Variants in ATP2A1 observed in about 807,000 individuals in gnomAD.
ATP2A1 encodes sarcoplasmic/endoplasmic reticulum calcium ATPase 1.
In ATP2A1, 83 loss-of-function variants were observed where a neutral mutation model predicts 109.5. The observed-to-expected ratio is 0.76, with a 90% CI of 0.63 to 0.91. The LOEUF is 0.91. ATP2A1 is among the 40% of genes least tolerant of loss of function. The pLI, the probability that ATP2A1 is intolerant of heterozygous loss-of-function variation, is 0.00. For missense variants in ATP2A1, 1,101 were observed against 1,341.0 expected (o/e 0.82, Z 2.80); for synonymous variants, 505 against 537.6 (o/e 0.94, Z 0.84).
chr16:28,886,687 T>C (rs1339969231), intron 6 of ATP2A1, among the ~76,000 whole-genome samples: 1 of 151,554 alleles, frequency 6.6e-6, no homozygotes, highest in African/African-American at 2.4e-5. Flanking sequence ...TGGGTCGAGG[T>C]CTTTTTAAGA....
chr16:28,904,126 G>A (rs1964177687), intron 22 of ATP2A1, 54 bp from the exon 23 acceptor site: 3 of 1,508,312 alleles, frequency 2.0e-6, no homozygotes, highest in Non-Finnish European at 1.8e-6. Flanking sequence ...GCACCTGGGA[G>A]GGACCTCGCT....
intron 4 of ATP2A1, chr16:28,881,655 T>A (rs1042091647): frequency 4.4e-5 from 7 of 159,304 alleles, no homozygotes; most frequent in African/African-American, 1.7e-4. Flanking sequence ...ACAAAAAAAT[T>A]AGCTGGGCAT....
intron 4 of ATP2A1, among the ~76,000 whole-genome samples, chr16:28,881,801 C>A (rs1039961343): frequency 8.2e-4 from 106 of 129,722 alleles, no homozygotes; most frequent in Admixed American, 9.9e-4. Flanking sequence ...GACCCAGTCT[C>A]AAAAAAAAAA....
chr16:28,900,363 C>A (rs991426127), intron 14 of ATP2A1, among the ~76,000 whole-genome samples: 1 of 151,958 alleles, frequency 6.6e-6, no homozygotes, highest in South Asian at 2.1e-4. Context: ...TCAGCACCTG[C>A]AGGTGCTTAG....
chr16:28,894,017 C>CG (rs1270718492), intron 9 of ATP2A1, 138 bp from the exon 10 acceptor site: 10 of 707,160 alleles, frequency 1.4e-5, no homozygotes, highest in East Asian at 5.4e-5. Flanking sequence ...GTAGGGTATA[C>CG]GGGGGGGATG....
rs1222544067 is a variant in ATP2A1 at position 28,880,581 on chromosome 16, T to C, written c.220-334T>C. On this transcript the variant is annotated intron_variant, in intron 3 of 22. Transcript: ENST00000395503. The surrounding 1 kb of genome is among the most constrained non-coding windows in gnomAD (Gnocchi z 4.2). Reference sequence around the variant, plus strand: ...AGGGTTTTTCCTCTCGGGTTTTGGCTCCCGTGGGATGGATGTGGCTGTGCG... The same window carrying C: ...AGGGTTTTTCCTCTCGGGTTTTGGCCCCCGTGGGATGGATGTGGCTGTGCG... Among the ~76,000 whole-genome samples the C allele has an allele frequency of 6.6e-6, 1 of 152,212 alleles. No individual in the cohort carries two copies. Among genetic ancestry groups the C allele is most frequent in the East Asian group, 1.9e-4 (1 of 5,198 alleles).
chr16:28,883,467 A>ACCTCCCT lies in ATP2A1; in HGVS notation c.463+890_463+896dup, dbSNP rs1328284901. On this transcript the variant is annotated intron_variant, in intron 5 of 22. Coordinates refer to ENST00000395503, the MANE Select transcript of ATP2A1 (RefSeq NM_004320.6). This position sits in a 1 kb window ranked among gnomAD's most constrained non-coding sequence, Gnocchi z 5.2. ...GGGTGTCCCGCCCGACTCTATCCCGACCTCCCTCCTCCCTCCTCGGTCCAT... is the reference window on the plus strand; with the variant it reads ...GGGTGTCCCGCCCGACTCTATCCCGACCTCCCTCCTCCCTCCTCCCTCCTCGGTCCAT... Among the ~76,000 whole-genome samples, 1 of 151,144 alleles carries ACCTCCCT rather than the reference A, an allele frequency of 6.6e-6. No individual in the cohort carries two copies. Among genetic ancestry groups the ACCTCCCT allele is most frequent in the South Asian group, 2.1e-4 (1 of 4,798 alleles).
In ATP2A1 at chr16:28,904,284, C is replaced by G; in HGVS notation, c.*142C>G. 1 of 1,611,740 alleles carries G rather than the reference C, an allele frequency of 6.2e-7. No homozygotes were observed. The highest frequency in any genetic ancestry group is 1.3e-5 in the African/African-American group (1 of 74,986). ...GCTGTGGCACAGACCCCCGTCCTGT[C>G]CCCCACACCCGTGTCATGTGTCTGT... On this transcript the variant is annotated 3_prime_UTR_variant, in exon 23 of 23. Transcript: ENST00000395503.
chr16:28,898,592 AG>A lies in ATP2A1; in HGVS notation c.1764+143del. 1 of 1,007,624 alleles carries A rather than the reference AG, an allele frequency of 9.9e-7. No homozygotes were observed. The highest frequency in any genetic ancestry group is 1.5e-5 in the South Asian group (1 of 68,602). 62.4% of individuals were successfully genotyped at this position (1,007,624 alleles called of 1,614,324 possible). On this transcript the variant is annotated intron_variant, in intron 14 of 22. Transcript: ENST00000395503. The surrounding 1 kb of genome is among the most constrained non-coding windows in gnomAD (Gnocchi z 4.0). ...TCCTTAGTACAGGCCATGGAATCAC[AG>A]GACAGTAGAGTTTCAGAGAACCTTG... is the stretch of plus-strand genomic sequence containing the variant.
chr16:28,900,865 C>A lies in ATP2A1; in HGVS notation c.2049C>A (p.His683Gln). Residue 683 changes from histidine (H) to glutamine (Q), a missense_variant, in exon 15 of 23, where the codon CAC becomes CAA. Physicochemically the swap from His to Gln is conservative, Grantham distance 24 (BLOSUM62 0). Coordinates refer to ENST00000395503, the MANE Select transcript of ATP2A1 (RefSeq NM_004320.6). ...GCTTCGCCCGTGTGGAGCCCTCGCA[C>A]AAGTCCAAGATTGTGGAGTACCTGC... is the stretch of plus-strand genomic sequence containing the variant. ...ACCFARVEPS[H>Q]KSKIVEYLQS... is the part of the protein sequence containing the mutation. 6.2e-7 allele frequency: 1 copy of A among 1,614,190 alleles called. No homozygotes were observed. Among genetic ancestry groups the A allele is most frequent in the Non-Finnish European group, 8.5e-7 (1 of 1,180,044 alleles).
chr16:28,889,740 A>G (rs531765027), intron 9 of ATP2A1, among the ~76,000 whole-genome samples: 1 of 152,326 alleles, frequency 6.6e-6, no homozygotes, highest in East Asian at 1.9e-4. Flanking sequence ...CCAGACTGCC[A>G]ACACTGACCG....
rs1317616631 is a variant in ATP2A1 at position 28,879,155 on chromosome 16, C to A, written c.136+39C>A. 4.3e-6 allele frequency: 7 copies of A among 1,610,098 alleles called. No homozygotes were observed. In the South Asian group the frequency reaches 7.7e-5, roughly 18 times the overall value. On this transcript the variant is annotated intron_variant, in intron 2 of 22. Coordinates refer to ENST00000395503, the MANE Select transcript of ATP2A1 (RefSeq NM_004320.6). ...ATCCCTGAACTCTCATAAATGACCA[C>A]CCCCCACCCCGCCCTGTCCCACTCC...
rs753412368 is a variant in ATP2A1 at position 28,894,258 on chromosome 16, C to CA, written c.1184+16dup. 2.5e-6 allele frequency: 4 copies of CA among 1,609,728 alleles called. No individual in the cohort carries two copies. In the African/African-American group the frequency reaches 5.3e-5, roughly 22 times the overall value. On this transcript the variant is annotated intron_variant, in intron 10 of 22. Transcript: ENST00000395503. The stretch of plus-strand genomic sequence containing the variant: ...GAGGGAGAGGTGTAAGTCACCCAGG[C>CA]ATCTTCTCCCCAGCTCCTCACGCCC...
chr16:28,893,444 T>C (rs1170057662), intron 9 of ATP2A1, among the ~76,000 whole-genome samples: 3 of 151,900 alleles, frequency 2.0e-5, no homozygotes, highest in African/African-American at 7.3e-5. Context: ...AGAGATTTCA[T>C]AGGAAGATAA....
intron 12 of ATP2A1, among the ~76,000 whole-genome samples, chr16:28,897,603 C>T (rs771696492): frequency 6.6e-5 from 10 of 152,038 alleles, no homozygotes; most frequent in African/African-American, 1.7e-4. Flanking sequence ...TACAATGGTG[C>T]GATCTTGGCT....
intron 14 of ATP2A1, among the ~76,000 whole-genome samples, chr16:28,899,937 C>T (rs1400211710): frequency 6.7e-6 from 1 of 149,180 alleles, no homozygotes; most frequent in Non-Finnish European, 1.5e-5. Flanking sequence ...TGCACTCCAG[C>T]GTGGGTGACA....
intron 9 of ATP2A1, among the ~76,000 whole-genome samples, chr16:28,890,039 G>C (rs1045439962): frequency 1.3e-5 from 2 of 152,132 alleles, no homozygotes; most frequent in Non-Finnish European, 2.9e-5. Context: ...CTACTGGGGA[G>C]GCTGAGGCAG....
In ATP2A1 at chr16:28,898,154, C is replaced by G. The variant is rs773962430; in HGVS notation, c.1545+29C>G. On this transcript the variant is annotated intron_variant, in intron 13 of 22. Transcript: ENST00000395503. This position sits in a 1 kb window ranked among gnomAD's most constrained non-coding sequence, Gnocchi z 4.0. Reference sequence around the variant, plus strand: ...AGAAATCGGAATGTGCCTCAGCCCCCTCTTCTTCCTACTCCTAGCCACCTG... The same window carrying G: ...AGAAATCGGAATGTGCCTCAGCCCCGTCTTCTTCCTACTCCTAGCCACCTG... The G allele has an allele frequency of 2.5e-6, 4 of 1,614,228 alleles. No individual in the cohort carries two copies. In the East Asian group the frequency reaches 6.7e-5, roughly 27 times the overall value.
intron 6 of ATP2A1, among the ~76,000 whole-genome samples, chr16:28,886,175 A>T (rs1197989514): frequency 2.0e-5 from 3 of 151,986 alleles, no homozygotes; most frequent in East Asian, 1.9e-4. Flanking sequence ...TCTCTATAAA[A>T]TTTTTTTAAA....
Sources: gnomAD v4.1 joint callset for allele counts (sites outside exome capture counted in the v4.1 genomes callset) on GRCh38, gnomAD v4.1.1 for gene constraint, Gnocchi (gnomAD v3.1) non-coding constraint, MANE v1.5 for transcripts, NCBI Gene and HGNC (gene_info 2026-07-23, HGNC 2026-07-21) for gene names.